The following CIP2A variants were observed in gnomAD, a reference collection of about 807,000 sequenced individuals.
CIP2A encodes the protein protein CIP2A.
CIP2A carries 103 observed loss-of-function variants against 110.9 expected under a neutral mutation model. The observed-to-expected ratio is 0.93, with a 90% CI of 0.79 to 1.09. The LOEUF is 1.09. Among genes scored for constraint, CIP2A ranks in the 50% least tolerant of loss-of-function variants. The pLI is 0.00. For missense variants in CIP2A, 1,088 were observed against 1,038.4 expected (o/e 1.05, Z -0.66); for synonymous variants, 381 against 361.6 (o/e 1.05, Z -0.61).
chr3:108,561,124 T>G (rs1937993469), intron 13 of CIP2A, among the ~76,000 whole-genome samples: 1 of 152,160 alleles, frequency 6.6e-6, no homozygotes, highest in South Asian at 2.1e-4. Context: ...AAGTACAAAG[T>G]TATTGGTACT....
intron 7 of CIP2A, among the ~76,000 whole-genome samples, chr3:108,576,692 A>G (rs1028932028): frequency 2.0e-5 from 3 of 152,142 alleles, no homozygotes; most frequent in African/African-American, 7.2e-5. Flanking sequence ...AATTCAAAGG[A>G]CAGAAGAATA....
intron 8 of CIP2A, among the ~76,000 whole-genome samples, chr3:108,575,276 A>C (rs571379545): frequency 7.5e-4 from 98 of 130,918 alleles, no homozygotes; most frequent in Non-Finnish European, 1.3e-3. Flanking sequence ...GTATATACAC[A>C]CACACGTGTA....
At chr3:108,577,750 T>C (rs889742190) in intron 7 of CIP2A, among the ~76,000 whole-genome samples, 3 of 151,876 alleles carry the variant, frequency 2.0e-5, no homozygotes, top group African/African-American at 7.3e-5. Flanking sequence ...AATACAAAAA[T>C]TAGCTGGGCG....
At chr3:108,578,053 G>C (rs1413620567) in intron 7 of CIP2A, among the ~76,000 whole-genome samples, 1 of 152,190 alleles carries the variant, frequency 6.6e-6, no homozygotes, top group African/African-American at 2.4e-5. Flanking sequence ...AGAGATTCAG[G>C]ATTGGGTTAT....
intron 2 of CIP2A, among the ~76,000 whole-genome samples, chr3:108,584,704 T>C (rs1158247847): frequency 2.0e-5 from 3 of 152,158 alleles, no homozygotes; most frequent in Non-Finnish European, 4.4e-5. Context: ...CTAGAATTTT[T>C]TAAACTATGC....
intron 13 of CIP2A, among the ~76,000 whole-genome samples, chr3:108,561,242 A>G (rs1937996405): frequency 6.6e-6 from 1 of 152,132 alleles, no homozygotes; most frequent in Non-Finnish European, 1.5e-5. Context: ...CTTCCATTCT[A>G]ACCCTTTAAA....
At chr3:108,564,596 A>T (rs1025567211) in intron 12 of CIP2A, among the ~76,000 whole-genome samples, 1 of 151,734 alleles carries the variant, frequency 6.6e-6, no homozygotes, top group African/African-American at 2.4e-5. Flanking sequence ...TTTCCAAAAA[A>T]CCAGGAGATT....
At chr3:108,578,116 AT>A (rs1390175796) in intron 7 of CIP2A, among the ~76,000 whole-genome samples, 4 of 152,228 alleles carry the variant, frequency 2.6e-5, no homozygotes, top group Non-Finnish European at 4.4e-5. Flanking sequence ...TGATTCTGGG[AT>A]TCTACGATAG....
At position 108,581,447 on chromosome 3, in the gene CIP2A, T is replaced by C; in HGVS notation, c.517A>G (p.Asn173Asp). The C allele has an allele frequency of 1.2e-6, 2 of 1,612,972 alleles. 1 individual carries two copies. Among genetic ancestry groups the C allele is most frequent in the South Asian group, 2.2e-5 (2 of 90,994 alleles). Reference sequence around the variant, plus strand: ...TTTATGTGCGTTTGAACAGAAAGATTGTGCCGACAAAGATTTGCCAATAAT... The same window carrying C: ...TTTATGTGCGTTTGAACAGAAAGATCGTGCCGACAAAGATTTGCCAATAAT... Reference protein sequence around the residue: ...LGLLANLCRHNLSVQTHIKTL... With the variant: ...LGLLANLCRHDLSVQTHIKTL... Residue 173 changes from asparagine to aspartate, a missense_variant, in exon 5 of 21, where the codon AAT becomes GAT. By Grantham distance (23) the Asn-to-Asp change is conservative. Coordinates refer to ENST00000295746, the MANE Select transcript of CIP2A (RefSeq NM_020890.3).
In CIP2A at chr3:108,582,078, A is replaced by C. The variant is rs373086016; in HGVS notation, c.452+30T>G. 69 of 981,038 alleles carry C rather than the reference A, an allele frequency of 7.0e-5. No homozygotes were observed. In the African/African-American group the frequency reaches 1.1e-3, roughly 16 times the overall value. The allele number at this position is 981,038 out of a possible 1,614,324, so 60.8% of individuals were successfully genotyped here. A position where few individuals can be genotyped will look rare whatever the true frequency, so the allele number is the denominator to read the frequency against. Reference sequence around the variant, plus strand: ...TAATTTAAAAATAAACAAATAAACTATTTGGTTTTATGTTTGATTGCATAC... The same window carrying C: ...TAATTTAAAAATAAACAAATAAACTCTTTGGTTTTATGTTTGATTGCATAC... On this transcript the variant is annotated intron_variant, in intron 4 of 20. Transcript: ENST00000295746.
At chr3:108,574,823 T>C in intron 8 of CIP2A, 1 of 154,186 alleles carries the variant, frequency 6.5e-6, no homozygotes, top group Non-Finnish European at 1.5e-5. Context: ...AGTGGCCAAG[T>C]CATCATGTCC....
intron 4 of CIP2A, 122 bp from the exon 5 acceptor site, chr3:108,581,633 A>C (rs987032898): frequency 1.4e-5 from 8 of 576,800 alleles, no homozygotes; most frequent in Non-Finnish European, 2.4e-5. Flanking sequence ...TTTACACGCA[A>C]AAAAAAAAAC....
In CIP2A at chr3:108,557,277, T is replaced by C. The variant is rs775080246; in HGVS notation, c.2151A>G (p.Leu717=). ...IEHLFQHNRK[L]ESVAEEHEIL... is the part of the protein sequence containing the mutation. ...TTTCATGTTCTTCAGCCACAGACTC[T>C]AACTTCCTATTATGTTGAAAGAGAT... Residue 717 remains leucine (L), a synonymous_variant, in exon 17 of 21, where the codon TTA becomes TTG. Transcript: ENST00000295746. 42 of 1,610,098 alleles carry C rather than the reference T, an allele frequency of 2.6e-5. No individual in the cohort carries two copies. The highest frequency in any genetic ancestry group is 3.1e-5 in the Non-Finnish European group (37 of 1,177,404).
chr3:108,568,312 AT>A lies in CIP2A; in HGVS notation c.1115del (p.Asp372ValfsTer3). On this transcript the variant is annotated frameshift_variant and splice_region_variant, in exon 10 of 21. Transcript: ENST00000295746. LOFTEE classifies it high-confidence loss of function. ...ALELFKEIFEDVIDAANCSSA... is the reference protein window; with the variant it reads ...ALELFKEIFEXVIDAANCSSA... The stretch of plus-strand genomic sequence containing the variant: ...AGGAACAGTTAGCAGCATCTATGAC[AT>A]CCTGGAGAATTATCCATCACAAATG... The A allele has an allele frequency of 6.2e-7, 1 of 1,610,814 alleles. No individual in the cohort carries two copies. Among genetic ancestry groups the A allele is most frequent in the Non-Finnish European group, 8.5e-7 (1 of 1,177,976 alleles).
At chr3:108,553,008 G>A (rs931406120) in intron 19 of CIP2A, among the ~76,000 whole-genome samples, 24 of 151,248 alleles carry the variant, frequency 1.6e-4, no homozygotes, top group Non-Finnish European at 3.1e-4. Context: ...CCAAACATCC[G>A]TGTCATGCAA....
intron 11 of CIP2A, 23 bp downstream of exon 11, chr3:108,566,474 G>T: frequency 6.4e-7 from 1 of 1,573,744 alleles, no homozygotes; most frequent in South Asian, 1.2e-5. Flanking sequence ...TTGCCATTTT[G>T]TCATTAGAGT....
At position 108,553,894 on chromosome 3, in the gene CIP2A, T is replaced by TACAAAAAAAAAAAAA. The variant is rs1303036231; in HGVS notation, c.2325-165_2325-164insTTTTTTTTTTTTTGT. Among the ~76,000 whole-genome samples, 208 of 49,700 alleles carry TACAAAAAAAAAAAAA rather than the reference T, an allele frequency of 4.2e-3. 87 individuals carry two copies. The highest frequency in any genetic ancestry group is 5.3e-3 in the African/African-American group (78 of 14,770). 32.6% of individuals were successfully genotyped at this position (49,700 alleles called of 152,430 possible). A position where few individuals can be genotyped will look rare whatever the true frequency, so the allele number is the denominator to read the frequency against. ...GGTGAAACCCCGTCTCTACTAAAAATATAAAAAAAAAAAAAAAAAAAAAAA... is the reference window on the plus strand; with the variant it reads ...GGTGAAACCCCGTCTCTACTAAAAATACAAAAAAAAAAAAAATAAAAAAAAAAAAAAAAAAAAAAA... On this transcript the variant is annotated intron_variant, in intron 18 of 20. Coordinates refer to ENST00000295746, the MANE Select transcript of CIP2A (RefSeq NM_020890.3).
chr3:108,580,769 C>T (rs1455858628), intron 5 of CIP2A, among the ~76,000 whole-genome samples: 1 of 152,074 alleles, frequency 6.6e-6, no homozygotes, highest in African/African-American at 2.4e-5. Flanking sequence ...GCTGGGACTA[C>T]AGGCGTGTGC....
chr3:108,587,785 T>C (rs376348790), intron 1 of CIP2A, among the ~76,000 whole-genome samples: 1 of 152,152 alleles, frequency 6.6e-6, no homozygotes, highest in Non-Finnish European at 1.5e-5. Flanking sequence ...TCTCTCTTTT[T>C]TTTTGTTTTG....
Sources: gnomAD v4.1 joint callset for allele counts (sites outside exome capture counted in the v4.1 genomes callset) on GRCh38, gnomAD v4.1.1 for gene constraint, MANE v1.5 for transcripts, NCBI Gene and HGNC (gene_info 2026-07-23, HGNC 2026-07-21) for gene names.